LINGO2: variants seen among roughly 807,000 people sequenced by gnomAD.
LINGO2 encodes the protein leucine rich repeat and Ig domain containing 2.
In LINGO2, 14 loss-of-function variants were observed where a neutral mutation model predicts 30.6. The observed-to-expected ratio is 0.46, with a 90% CI of 0.30 to 0.72. LINGO2 has a LOEUF of 0.72. Ranked by LOEUF, LINGO2 falls within the 30% of genes least tolerant of loss-of-function variation. The pLI is 0.07. For missense variants in LINGO2, 729 were observed against 751.7 expected (o/e 0.97, Z 0.35); for synonymous variants, 317 against 288.5 (o/e 1.10, Z -1.00).
the LINGO2 span, among the ~76,000 whole-genome samples, chr9:29,207,715 G>A: frequency 6.6e-6 from 1 of 151,918 alleles, no homozygotes; most frequent in Non-Finnish European, 1.5e-5. Context: ...AGTTTTTACT[G>A]ACAATGACAC....
chr9:27,988,607 G>A (rs966424005), intron 5 of LINGO2, among the ~76,000 whole-genome samples: 1 of 151,898 alleles, frequency 6.6e-6, no homozygotes, highest in African/African-American at 2.4e-5. Context: ...CCAGTGATGA[G>A]CATTTTTTCA....
At chr9:29,137,527 CA>C in the LINGO2 span, among the ~76,000 whole-genome samples, 1 of 152,038 alleles carries the variant, frequency 6.6e-6, no homozygotes, top group Non-Finnish European at 1.5e-5. Context: ...CCACAGGGTC[CA>C]AAGAGACAAA....
chr9:28,036,717 G>C (rs1338248420), intron 4 of LINGO2, among the ~76,000 whole-genome samples: 2 of 152,078 alleles, frequency 1.3e-5, no homozygotes, highest in Non-Finnish European at 2.9e-5. Context: ...ATTTTTAGTA[G>C]GCTAGTCAAA....
At chr9:29,124,551 T>G in the LINGO2 span, among the ~76,000 whole-genome samples, 1 of 151,960 alleles carries the variant, frequency 6.6e-6, no homozygotes, top group Non-Finnish European at 1.5e-5. Flanking sequence ...ACAAAGAACT[T>G]AAACAAATTT....
chr9:28,523,327 A>C (rs1011363775), intron 1 of LINGO2, among the ~76,000 whole-genome samples: 1 of 152,134 alleles, frequency 6.6e-6, no homozygotes, highest in Admixed American at 6.6e-5. Context: ...CAACCAGATA[A>C]AGAGCATCTA....
chr9:28,972,602 A>G, the LINGO2 span, among the ~76,000 whole-genome samples: 1 of 152,184 alleles, frequency 6.6e-6, no homozygotes, highest in East Asian at 1.9e-4. Flanking sequence ...AGGCTATTTG[A>G]AAATATGCAG....
chr9:28,577,764 T>C (rs971859557), intron 1 of LINGO2, among the ~76,000 whole-genome samples: 2 of 152,134 alleles, frequency 1.3e-5, no homozygotes, highest in Non-Finnish European at 2.9e-5. Flanking sequence ...TTCTTCAAAG[T>C]GAAACTGTAT....
At chr9:28,510,209 G>T (rs1820314788) in intron 1 of LINGO2, among the ~76,000 whole-genome samples, 3 of 152,076 alleles carry the variant, frequency 2.0e-5, no homozygotes, top group Non-Finnish European at 4.4e-5. Flanking sequence ...ACAATGCAAG[G>T]CTTAGGGGTA....
the LINGO2 span, among the ~76,000 whole-genome samples, chr9:29,080,064 C>T: frequency 6.6e-6 from 1 of 152,140 alleles, no homozygotes; most frequent in African/African-American, 2.4e-5. Flanking sequence ...GCTGGGAATC[C>T]ATCTGGTCCT....
At chr9:28,230,081 T>G (rs1466540499) in intron 4 of LINGO2, among the ~76,000 whole-genome samples, 2 of 151,738 alleles carry the variant, frequency 1.3e-5, no homozygotes, top group Non-Finnish European at 3.0e-5. Context: ...GTGAGAAAAA[T>G]TAAAATAACT....
At chr9:28,883,005 A>T in the LINGO2 span, among the ~76,000 whole-genome samples, 2 of 152,178 alleles carry the variant, frequency 1.3e-5, no homozygotes, top group Non-Finnish European at 2.9e-5. Context: ...CAAATGTGTT[A>T]ACTGGCCTTC....
At chr9:29,042,969 G>A in the LINGO2 span, among the ~76,000 whole-genome samples, 3 of 151,762 alleles carry the variant, frequency 2.0e-5, no homozygotes, top group Non-Finnish European at 4.4e-5. Context: ...GGCTATAAAA[G>A]GCCAACATAA....
the LINGO2 span, among the ~76,000 whole-genome samples, chr9:28,857,159 C>A: frequency 2.4e-4 from 37 of 151,770 alleles, no homozygotes; most frequent in East Asian, 3.3e-3. Context: ...AGTCTGAGAC[C>A]CAGATAAAGT....
chr9:28,555,433 CA>C (rs780533580), intron 1 of LINGO2, among the ~76,000 whole-genome samples: 37 of 151,362 alleles, frequency 2.4e-4, no homozygotes, highest in Non-Finnish European at 5.0e-4. Flanking sequence ...TACACTCTCC[CA>C]AGACTAAACC....
chr9:28,362,561 C>G (rs576510875), intron 3 of LINGO2, among the ~76,000 whole-genome samples: 2 of 152,036 alleles, frequency 1.3e-5, no homozygotes, highest in South Asian at 4.2e-4. Context: ...ACCTCCGCCT[C>G]CCAGGTTCAA....
chr9:28,824,245 G>C, the LINGO2 span, among the ~76,000 whole-genome samples: 2 of 152,084 alleles, frequency 1.3e-5, no homozygotes, highest in Non-Finnish European at 2.9e-5. Flanking sequence ...GAAGGAAGTG[G>C]ATTATAAACA....
At chr9:28,415,278 TG>T (rs1822921524) in intron 2 of LINGO2, among the ~76,000 whole-genome samples, 1 of 152,158 alleles carries the variant, frequency 6.6e-6, no homozygotes. Flanking sequence ...TCCAGGACCT[TG>T]GGTCTTTCTC....
intron 4 of LINGO2, among the ~76,000 whole-genome samples, chr9:28,137,228 A>AC (rs1827544903): frequency 7.8e-6 from 1 of 128,656 alleles, no homozygotes; most frequent in Admixed American, 8.0e-5. Context: ...CACACACACA[A>AC]ATTGGTTTTC....
chr9:28,842,599 G>T, the LINGO2 span, among the ~76,000 whole-genome samples: 1 of 151,860 alleles, frequency 6.6e-6, no homozygotes, highest in African/African-American at 2.4e-5. Context: ...GTCATTCTAA[G>T]CAACTTCTAA....
Sources: allele counts gnomAD v4.1 joint callset (sites outside exome capture counted in the v4.1 genomes callset), GRCh38; gene constraint gnomAD v4.1.1; transcripts MANE v1.5; gene names NCBI Gene and HGNC (gene_info 2026-07-23, HGNC 2026-07-21).